The following CRLF3 variants were observed in gnomAD, a reference collection of about 807,000 sequenced individuals.
CRLF3 encodes cytokine receptor like factor 3.
A neutral mutation model predicts 55.0 loss-of-function variants in CRLF3; 33 were observed. The ratio of observed to expected loss-of-function variants is 0.60; its 90% CI spans 0.46 to 0.80. The LOEUF is 0.80. Ranked by LOEUF, CRLF3 falls within the 30% of genes least tolerant of loss-of-function variation. The pLI is 0.00. For missense variants in CRLF3, 494 were observed against 538.4 expected, an observed-to-expected ratio of 0.92 and a Z score of 0.82; for synonymous variants, 238 against 196.8, an observed-to-expected ratio of 1.21 and a Z score of -1.75.
chr17:30,788,325 C>CAA lies in CRLF3; in HGVS notation c.960-2296_960-2295dup, dbSNP rs780693808. 8.8e-3 allele frequency among the ~76,000 whole-genome samples: 1,040 copies of CAA among 118,424 alleles called. 19 individuals are homozygous for CAA. Among genetic ancestry groups the CAA allele is most frequent in the African/African-American group, 0.028 (936 of 33,668 alleles). The allele number at this position is 118,424 out of a possible 152,430, so 77.7% of individuals were successfully genotyped here. ...TGGGCAACAGAATGAGACTTTGTCT[C>CAA]AAAAAAAAAAAAAGAAAAGAAAAGA... On this transcript the variant is annotated intron_variant, in intron 6 of 7. Coordinates refer to ENST00000324238, the MANE Select transcript of CRLF3 (RefSeq NM_015986.4).
chr17:30,800,133 C>A (rs985884994), intron 2 of CRLF3, among the ~76,000 whole-genome samples: 9 of 152,196 alleles, frequency 5.9e-5, no homozygotes, highest in African/African-American at 2.2e-4. Flanking sequence ...CCACTCCCAG[C>A]ACTCATTCTG....
intron 6 of CRLF3, among the ~76,000 whole-genome samples, chr17:30,789,479 C>T (rs1971736992): frequency 6.6e-6 from 1 of 152,134 alleles, no homozygotes; most frequent in African/African-American, 2.4e-5. Context: ...GAGCTAAGGA[C>T]ACAGTAATAG....
At chr17:30,796,087 G>T in intron 4 of CRLF3, 73 bp downstream of exon 4, 1 of 1,102,162 alleles carries the variant, frequency 9.1e-7, no homozygotes, top group South Asian at 2.3e-5. Context: ...AGTAGTCAAC[G>T]AAAAAATCTG....
Position 30,785,950 on chromosome 17 carries a change from C to T in CRLF3, c.1041G>A (p.Gln347=). 1 of 1,609,894 alleles carries T rather than the reference C, an allele frequency of 6.2e-7. No homozygotes were observed. The highest frequency in any genetic ancestry group is 8.5e-7 in the Non-Finnish European group (1 of 1,176,278). The part of the protein sequence containing the change: ...AEKQDGYDSL[Q]RDQAVCISTN... Reference sequence around the variant, plus strand: ...TACTAATGCACACAGCTTGATCCCGCTGCAGAGAGTCATATCCATCCTGTT... The same window carrying T: ...TACTAATGCACACAGCTTGATCCCGTTGCAGAGAGTCATATCCATCCTGTT... The change falls in exon 7 of 8, where the codon CAG becomes CAA. Residue 347 remains glutamine (Q), a synonymous_variant. Transcript: ENST00000324238.
intron 1 of CRLF3, among the ~76,000 whole-genome samples, chr17:30,822,035 G>GT (rs1053863214): frequency 6.5e-5 from 8 of 122,746 alleles, no homozygotes; most frequent in African/African-American, 2.6e-4. Flanking sequence ...CCTGGGAAAC[G>GT]TAACAAAACC....
chr17:30,787,462 GA>G (rs1247749638), intron 6 of CRLF3: 1 of 151,326 alleles, frequency 6.6e-6, no homozygotes, highest in Non-Finnish European at 1.5e-5. Flanking sequence ...GTGTGCTCTT[GA>G]AATAGGAAAT....
At chr17:30,797,902 G>A (rs1306408686) in intron 2 of CRLF3, among the ~76,000 whole-genome samples, 5 of 148,428 alleles carry the variant, frequency 3.4e-5, no homozygotes. Flanking sequence ...AGCCTCCCAA[G>A]TAGCTGTGAC....
At chr17:30,821,881 C>A (rs1905007417) in intron 1 of CRLF3, among the ~76,000 whole-genome samples, 1 of 151,880 alleles carries the variant, frequency 6.6e-6, no homozygotes, top group Admixed American at 6.6e-5. Context: ...GAATTGTAAA[C>A]TTTAAGGCAT....
intron 1 of CRLF3, among the ~76,000 whole-genome samples, chr17:30,823,157 T>TC (rs1905044923): frequency 6.7e-6 from 1 of 150,082 alleles, no homozygotes; most frequent in Non-Finnish European, 1.5e-5. Context: ...AGGTCAGGAG[T>TC]TCAAGATCAT....
At chr17:30,798,237 G>T (rs1303676011) in intron 2 of CRLF3, among the ~76,000 whole-genome samples, 1 of 151,978 alleles carries the variant, frequency 6.6e-6, no homozygotes, top group Non-Finnish European at 1.5e-5. Context: ...AATTAGTTGG[G>T]TGTGGTGGCA....
intron 1 of CRLF3, among the ~76,000 whole-genome samples, chr17:30,814,991 G>A (rs1032466344): frequency 2.0e-5 from 3 of 149,936 alleles, no homozygotes; most frequent in South Asian, 2.1e-4. Flanking sequence ...CAACAAGTGC[G>A]AAACTCCGTC....
At chr17:30,810,247 G>A (rs1262816345) in intron 1 of CRLF3, among the ~76,000 whole-genome samples, 3 of 152,166 alleles carry the variant, frequency 2.0e-5, no homozygotes, top group Non-Finnish European at 4.4e-5. Flanking sequence ...AACCTTTAAT[G>A]TAACAGACCA....
intron 2 of CRLF3, among the ~76,000 whole-genome samples, chr17:30,797,774 T>TG (rs1476411286): frequency 1.6e-5 from 2 of 125,626 alleles, no homozygotes; most frequent in African/African-American, 7.1e-5. Flanking sequence ...GGGGATAGGG[T>TG]GTTTTTTTTT....
At chr17:30,795,604 C>T (rs1339921851) in intron 4 of CRLF3, among the ~76,000 whole-genome samples, 1 of 151,128 alleles carries the variant, frequency 6.6e-6, no homozygotes, top group African/African-American at 2.4e-5. Flanking sequence ...GAGGTTGCAT[C>T]GCTGCACTCC....
chr17:30,818,780 A>G (rs1333418690), intron 1 of CRLF3, among the ~76,000 whole-genome samples: 1 of 148,840 alleles, frequency 6.7e-6, no homozygotes, highest in African/African-American at 2.5e-5. Flanking sequence ...TTGCTAAGCT[A>G]CTGAGACTTC....
intron 1 of CRLF3, among the ~76,000 whole-genome samples, chr17:30,815,011 C>CA (rs1241723917): frequency 6.8e-6 from 1 of 146,820 alleles, no homozygotes; most frequent in African/African-American, 2.5e-5. Flanking sequence ...CTTTAAAAAA[C>CA]AAAAAAATCT....
Position 30,793,252 on chromosome 17 carries a change from A to ATT in CRLF3, c.826+196_826+197dup, listed in dbSNP as rs58658760. ...AATGAGGCTAAAAATCTTGTCCAGC[A>ATT]TTTTTTTTGGACTCTGAAGAACTGA... is the stretch of plus-strand genomic sequence containing the variant. On this transcript the variant is annotated intron_variant, in intron 5 of 7. Coordinates refer to ENST00000324238, the MANE Select transcript of CRLF3 (RefSeq NM_015986.4). Among the ~76,000 whole-genome samples the ATT allele has an allele frequency of 2.4e-4, 37 of 151,916 alleles. No homozygotes were observed. The South Asian group carries it at 3.9e-3, about 16-fold the overall frequency.
intron 6 of CRLF3, chr17:30,790,494 T>G (rs1042989204): frequency 6.6e-6 from 1 of 152,158 alleles, no homozygotes; most frequent in Non-Finnish European, 1.5e-5. Flanking sequence ...CTTTCAGTTT[T>G]ACTTTAGAGA....
At chr17:30,787,264 AT>A (rs1273480226) in intron 6 of CRLF3, among the ~76,000 whole-genome samples, 1 of 152,220 alleles carries the variant, frequency 6.6e-6, no homozygotes, top group African/African-American at 2.4e-5. Context: ...CAGCGCCTAA[AT>A]CTTCCATATA....
Sources: allele counts gnomAD v4.1 joint callset (sites outside exome capture counted in the v4.1 genomes callset), GRCh38; gene constraint gnomAD v4.1.1; transcripts MANE v1.5; gene names NCBI Gene and HGNC (gene_info 2026-07-23, HGNC 2026-07-21).